TRIOBP: variants seen among roughly 807,000 people sequenced by gnomAD.
The protein encoded by TRIOBP is TRIO and F-actin-binding protein.
TRIOBP carries 169 observed loss-of-function variants against 238.8 expected under a neutral mutation model. That is an observed-to-expected ratio of 0.71 (90% CI 0.62 to 0.80). The LOEUF (loss-of-function observed/expected upper bound fraction) is 0.80. Among genes scored for constraint, TRIOBP ranks in the 30% least tolerant of loss-of-function variants. TRIOBP has a pLI of 0.00. For synonymous variants in TRIOBP, 1,150 were observed against 1,274.4 expected, an observed-to-expected ratio of 0.90 and a Z score of 2.08; for missense variants, 2,838 against 3,122.6, an observed-to-expected ratio of 0.91 and a Z score of 2.17.
chr22:37,744,299 C>T (rs561205182), intron 11 of TRIOBP, among the ~76,000 whole-genome samples: 9 of 151,972 alleles, frequency 5.9e-5, no homozygotes, highest in South Asian at 2.1e-4. Flanking sequence ...CATAAACCAC[C>T]GCGCCCAGCC....
At chr22:37,708,953 G>C (rs1313285190) in intron 3 of TRIOBP, among the ~76,000 whole-genome samples, 2 of 152,192 alleles carry the variant, frequency 1.3e-5, no homozygotes, top group Admixed American at 6.5e-5. Flanking sequence ...TTCCTGCTGG[G>C]CCTGGCGGGG....
intron 3 of TRIOBP, among the ~76,000 whole-genome samples, chr22:37,703,170 A>C (rs1299643128): frequency 6.6e-6 from 1 of 151,164 alleles, no homozygotes; most frequent in Admixed American, 6.6e-5. Flanking sequence ...TAATTTTTGT[A>C]TCTTTAGTAG....
Position 37,758,015 on chromosome 22 carries a change from G to T in TRIOBP, c.6090G>T (p.Trp2030Cys). 2 of 1,608,488 alleles carry T rather than the reference G, an allele frequency of 1.2e-6. No individual in the cohort carries two copies. Among genetic ancestry groups the T allele is most frequent in the South Asian group, 1.1e-5 (1 of 90,514 alleles). ...NRLSEEIEKK[W>C]QELEKLPLRE... ...TTAGTGAGGAGATCGAGAAGAAGTG[G>T]CAGGAGCTGGAGAAGCTGCCCCTGC... Residue 2030 changes from tryptophan to cysteine, a missense_variant, in exon 16 of 24, where the codon TGG becomes TGT. Physicochemically the swap from Trp to Cys is radical, Grantham distance 215. Transcript: ENST00000644935.
chr22:37,751,424 T>C, intron 11 of TRIOBP: 1 of 394,990 alleles, frequency 2.5e-6, no homozygotes, highest in Non-Finnish European at 4.9e-6. Flanking sequence ...CTCTGAGCTC[T>C]CAGGGGGTCT....
At chr22:37,743,955 G>A (rs1925089987) in intron 11 of TRIOBP, among the ~76,000 whole-genome samples, 1 of 151,162 alleles carries the variant, frequency 6.6e-6, no homozygotes, top group Non-Finnish European at 1.5e-5. Flanking sequence ...GGGGTAGAAG[G>A]ACCTGTCTTA....
intron 6 of TRIOBP, among the ~76,000 whole-genome samples, chr22:37,717,681 GC>G (rs1436447647): frequency 2.0e-5 from 3 of 152,246 alleles, no homozygotes; most frequent in Non-Finnish European, 4.4e-5. Flanking sequence ...CAAACCTTGA[GC>G]TAGAGACAGA....
chr22:37,746,470 G>T (rs1337398096), intron 11 of TRIOBP: 2 of 1,364,576 alleles, frequency 1.5e-6, no homozygotes, highest in African/African-American at 1.5e-5. Flanking sequence ...GAAGGGCGAC[G>T]ACCCGAGGCA....
In TRIOBP at chr22:37,724,351, A is replaced by T. The variant is rs374904842; in HGVS notation, c.1795A>T (p.Thr599Ser). 2.5e-6 allele frequency: 4 copies of T among 1,572,808 alleles called. No homozygotes were observed. In the African/African-American group the frequency reaches 6.9e-5, roughly 27 times the overall value. The part of the protein sequence containing the change: ...SPNRATRDNP[T>S]TSCAQRDNPR... ...CAATAGAGCTACACGAGACAACCCC[A>T]CAACATCCTGTGCCCAGCGGGACAA... The change falls in exon 7 of 24, where the codon ACA (threonine) becomes TCA (serine). Residue 599 changes from threonine to serine, a missense_variant. This residue lies in a region of TRIOBP where 14 missense variants were observed against 198.4 expected (regional missense o/e 0.07). Coordinates refer to ENST00000644935, the MANE Select transcript of TRIOBP (RefSeq NM_001039141.3).
intron 17 of TRIOBP, among the ~76,000 whole-genome samples, chr22:37,760,987 A>G (rs1926216272): frequency 6.6e-6 from 1 of 150,964 alleles, no homozygotes; most frequent in African/African-American, 2.4e-5. Flanking sequence ...AAAAAAAAAG[A>G]AAGAAAAGAA....
At chr22:37,739,695 A>G (rs1318345076) in intron 10 of TRIOBP, among the ~76,000 whole-genome samples, 1 of 152,192 alleles carries the variant, frequency 6.6e-6, no homozygotes, top group African/African-American at 2.4e-5. Context: ...CGAGCAGTCC[A>G]GTCTTCCCAT....
chr22:37,706,226 G>A (rs1922939255), intron 3 of TRIOBP, among the ~76,000 whole-genome samples: 1 of 152,108 alleles, frequency 6.6e-6, no homozygotes, highest in Non-Finnish European at 1.5e-5. Context: ...AGGATACAGT[G>A]GAGATGAGGG....
intron 6 of TRIOBP, 116 bp from the exon 7 acceptor site, chr22:37,723,069 T>C (rs1488546091): frequency 2.0e-6 from 2 of 991,100 alleles, no homozygotes; most frequent in Non-Finnish European, 3.0e-6. Context: ...GTGAGACCTG[T>C]AGGAGGAGGG....
intron 1 of TRIOBP, 102 bp downstream of exon 1, chr22:37,697,191 A>T (rs1922393665): frequency 6.6e-6 from 1 of 152,050 alleles, no homozygotes; most frequent in African/African-American, 2.4e-5. Flanking sequence ...GCCTGGATGG[A>T]GAGGGTCCCG....
intron 14 of TRIOBP, 168 bp from the exon 15 acceptor site, chr22:37,755,382 G>T (rs1192453437): frequency 7.8e-6 from 7 of 901,796 alleles, no homozygotes; most frequent in Non-Finnish European, 1.2e-5. Flanking sequence ...GGAGCCAGCA[G>T]GGCTCTTCCC....
intron 3 of TRIOBP, among the ~76,000 whole-genome samples, chr22:37,706,784 AAG>A (rs1491203337): frequency 9.9e-5 from 15 of 151,312 alleles, no homozygotes; most frequent in Admixed American, 5.3e-4. Flanking sequence ...AAAAAAAAAA[AAG>A]ATCAGAGAGG....
intron 11 of TRIOBP, among the ~76,000 whole-genome samples, chr22:37,742,057 A>C (rs1168883655): frequency 6.6e-6 from 1 of 152,092 alleles, no homozygotes; most frequent in Non-Finnish European, 1.5e-5. Context: ...TCCCGGGTCC[A>C]AGTGATTCTC....
At chr22:37,755,748 C>T (rs1230261991) in intron 15 of TRIOBP, 89 bp downstream of exon 15, 41 of 1,043,186 alleles carry the variant, frequency 3.9e-5, no homozygotes, top group Non-Finnish European at 5.8e-5. Flanking sequence ...GAGGGCTGCA[C>T]CTTTCTGGGC....
At chr22:37,761,726 G>A (rs561448709) in intron 17 of TRIOBP, among the ~76,000 whole-genome samples, 9 of 152,162 alleles carry the variant, frequency 5.9e-5, no homozygotes, top group Admixed American at 2.0e-4. Flanking sequence ...CCCGGAGACC[G>A]TCCTGGGGCC....
At position 37,724,579 on chromosome 22, in the gene TRIOBP, T is replaced by C; in HGVS notation, c.2023T>C (p.Ser675Pro). 6.2e-7 allele frequency: 1 copy of C among 1,607,048 alleles called. No homozygotes were observed. The highest frequency in any genetic ancestry group is 8.5e-7 in the Non-Finnish European group (1 of 1,178,592). Residue 675 changes from serine to proline, a missense_variant, in exon 7 of 24, where the codon TCC (serine) becomes CCC (proline). Transcript: ENST00000644935. ...CATCCAACAAGAGAACCCCAGAACA[T>C]CCTGTGCCCTACGGGACAATCCCAG... ...RTIQQENPRTSCALRDNPRAS... is the reference protein window; with the variant it reads ...RTIQQENPRTPCALRDNPRAS...
Sources: allele counts gnomAD v4.1 joint callset (sites outside exome capture counted in the v4.1 genomes callset), GRCh38; gene constraint gnomAD v4.1.1; regional missense constraint gnomAD v4.1.1; transcripts MANE v1.5; gene names NCBI Gene and HGNC (gene_info 2026-07-23, HGNC 2026-07-21).